Variants in ANTXR1 observed in about 807,000 individuals in gnomAD.
The protein encoded by ANTXR1 is anthrax toxin receptor 1.
ANTXR1 carries 19 observed loss-of-function variants against 78.1 expected under a neutral mutation model. The observed-to-expected ratio is 0.24, with a 90% CI of 0.17 to 0.36. ANTXR1 has a LOEUF of 0.36. Among genes scored for constraint, ANTXR1 ranks in the 10% least tolerant of loss-of-function variants. The pLI is 1.00. For synonymous variants in ANTXR1, 273 were observed against 260.5 expected, an observed-to-expected ratio of 1.05 and a Z score of -0.46; for missense variants, 518 against 718.6, an observed-to-expected ratio of 0.72 and a Z score of 3.19.
chr2:69,032,146 G>A (rs1671546193), intron 1 of ANTXR1, among the ~76,000 whole-genome samples: 1 of 152,214 alleles, frequency 6.6e-6, no homozygotes, highest in Non-Finnish European at 1.5e-5. Context: ...AAATGCAGAT[G>A]TTACAAGTGA....
intron 1 of ANTXR1, among the ~76,000 whole-genome samples, chr2:69,034,111 A>G (rs774084088): frequency 2.0e-5 from 3 of 152,236 alleles, no homozygotes; most frequent in African/African-American, 4.8e-5. Context: ...CTGGGAACAC[A>G]CAGTGAGTGC....
intron 1 of ANTXR1, among the ~76,000 whole-genome samples, chr2:69,022,971 G>C (rs557460192): frequency 6.6e-6 from 1 of 152,176 alleles, no homozygotes; most frequent in East Asian, 1.9e-4. Flanking sequence ...TTGTTTACTA[G>C]CCAGGACACT....
At chr2:69,117,439 A>G (rs547754950) in intron 10 of ANTXR1, among the ~76,000 whole-genome samples, 10 of 152,358 alleles carry the variant, frequency 6.6e-5, no homozygotes, top group African/African-American at 2.4e-4. Flanking sequence ...ATATGATGTT[A>G]GAAAAAATCA....
At chr2:69,190,242 G>A (rs1441458157) in intron 16 of ANTXR1, among the ~76,000 whole-genome samples, 1 of 152,248 alleles carries the variant, frequency 6.6e-6, no homozygotes, top group African/African-American at 2.4e-5. Flanking sequence ...CAAAATGAGT[G>A]TCAAGGCATT....
At position 69,150,073 on chromosome 2, in the gene ANTXR1, C is replaced by G. The variant is rs144206573; in HGVS notation, c.952-2096C>G. On this transcript the variant is annotated intron_variant, in intron 12 of 17. Transcript: ENST00000303714. The stretch of plus-strand genomic sequence containing the variant: ...GCAGTCTGGCATTCCCAAGCTCTGG[C>G]TAGGGACCAGAGGTGTTTAGTTCCC... 3.5e-3 allele frequency among the ~76,000 whole-genome samples: 540 copies of G among 152,346 alleles called. 2 individuals are homozygous for G. Among genetic ancestry groups the G allele is most frequent in the Non-Finnish European group, 4.2e-3 (285 of 68,028 alleles).
chr2:69,245,074 C>A (rs1558671669), intron 17 of ANTXR1, 151 bp from the exon 18 acceptor site: 4 of 877,380 alleles, frequency 4.6e-6, no homozygotes, highest in Non-Finnish European at 1.9e-6. Context: ...GGGGAGCTCA[C>A]TTGTCCTCAA....
Position 69,075,664 on chromosome 2 carries a change from G to T in ANTXR1, c.561+6G>T. 1 of 1,613,768 alleles carries T rather than the reference G, an allele frequency of 6.2e-7. No individual in the cohort carries two copies. Among genetic ancestry groups the T allele is most frequent in the Non-Finnish European group, 8.5e-7 (1 of 1,179,704 alleles). ...AAGATTTCAATGAGACACAGGTATGGTAATGGATTTCCTCAGGTTTGGAGC... is the reference window on the plus strand; with the variant it reads ...AAGATTTCAATGAGACACAGGTATGTTAATGGATTTCCTCAGGTTTGGAGC... On this transcript the variant is annotated splice_donor_region_variant and intron_variant, in intron 7 of 17. Coordinates refer to ENST00000303714, the MANE Select transcript of ANTXR1 (RefSeq NM_032208.3).
At position 69,086,424 on chromosome 2, in the gene ANTXR1, C is replaced by A. The variant is rs1671052093; in HGVS notation, c.643-4435C>A. Among the ~76,000 whole-genome samples, 4 of 152,230 alleles carry A rather than the reference C, an allele frequency of 2.6e-5. No individual in the cohort carries two copies. The South Asian group carries it at 8.3e-4, about 32-fold the overall frequency. The stretch of plus-strand genomic sequence containing the variant: ...GTAACTTGGCAAAGTTCTTGTACAT[C>A]CGCTGCCTCTCTTACTCGTCCTCCC... On this transcript the variant is annotated intron_variant, in intron 8 of 17. Coordinates refer to ENST00000303714, the MANE Select transcript of ANTXR1 (RefSeq NM_032208.3).
At chr2:69,053,446 T>C (rs1669985209) in intron 3 of ANTXR1, among the ~76,000 whole-genome samples, 1 of 152,158 alleles carries the variant, frequency 6.6e-6, no homozygotes. Flanking sequence ...CTCATGCTTT[T>C]CTTCTTGTGC....
chr2:69,084,848 C>CTT (rs10708894), intron 8 of ANTXR1, among the ~76,000 whole-genome samples: 1,073 of 94,038 alleles, frequency 0.011, 51 homozygotes, highest in African/African-American at 0.041. Context: ...GAAAAGGCAA[C>CTT]TTTTTTTTTT....
intron 10 of ANTXR1, among the ~76,000 whole-genome samples, chr2:69,115,380 G>A (rs1011901866): frequency 6.6e-6 from 1 of 152,218 alleles, no homozygotes; most frequent in Non-Finnish European, 1.5e-5. Context: ...TGCCTCAGTC[G>A]ATGACCCCAA....
chr2:69,132,641 C>CT (rs1672784526), intron 12 of ANTXR1, among the ~76,000 whole-genome samples: 1 of 152,290 alleles, frequency 6.6e-6, no homozygotes, highest in African/African-American at 2.4e-5. Context: ...TCTTCTATTT[C>CT]TTTTCCAAGG....
At chr2:69,134,437 A>G (rs1367818762) in intron 12 of ANTXR1, among the ~76,000 whole-genome samples, 1 of 152,178 alleles carries the variant, frequency 6.6e-6, no homozygotes, top group African/African-American at 2.4e-5. Context: ...GGCCTTTTTA[A>G]TTAGCTGCAT....
At chr2:69,036,011 G>C (rs1669404734) in intron 1 of ANTXR1, among the ~76,000 whole-genome samples, 1 of 152,240 alleles carries the variant, frequency 6.6e-6, no homozygotes, top group Admixed American at 6.5e-5. Flanking sequence ...TTATCATTGG[G>C]TGACACTTTT....
intron 13 of ANTXR1, among the ~76,000 whole-genome samples, chr2:69,166,419 A>T (rs1673829410): frequency 6.6e-6 from 1 of 152,004 alleles, no homozygotes; most frequent in Non-Finnish European, 1.5e-5. Flanking sequence ...ATTCCATCTC[A>T]TTTTTCCCGT....
intron 10 of ANTXR1, among the ~76,000 whole-genome samples, chr2:69,107,403 C>A (rs546309598): frequency 3.1e-4 from 47 of 152,120 alleles, no homozygotes; most frequent in African/African-American, 1.1e-3. Flanking sequence ...CCACACCTGG[C>A]TAATTTTTGT....
intron 3 of ANTXR1, among the ~76,000 whole-genome samples, chr2:69,056,438 C>T (rs60465976): frequency 0.16 from 24,302 of 151,418 alleles, 4,246 homozygotes; most frequent in African/African-American, 0.41. Flanking sequence ...TTTTAAGTGA[C>T]TAAATATTTG....
At chr2:69,057,125 G>A (rs1028954255) in intron 3 of ANTXR1, among the ~76,000 whole-genome samples, 3 of 151,714 alleles carry the variant, frequency 2.0e-5, no homozygotes, top group African/African-American at 7.3e-5. Context: ...TTTCTATTTT[G>A]TCATATTTTA....
At chr2:69,203,976 T>G (rs944279407) in intron 17 of ANTXR1, among the ~76,000 whole-genome samples, 2 of 152,182 alleles carry the variant, frequency 1.3e-5, no homozygotes, top group African/African-American at 4.8e-5. Context: ...ATTTTTTCCC[T>G]TCCAAACAAA....
Sources: allele counts gnomAD v4.1 joint callset (sites outside exome capture counted in the v4.1 genomes callset), GRCh38; gene constraint gnomAD v4.1.1; transcripts MANE v1.5; gene names NCBI Gene and HGNC (gene_info 2026-07-23, HGNC 2026-07-21).